The following RBPJ variants were observed in gnomAD, a reference collection of about 807,000 sequenced individuals.
The protein encoded by RBPJ is recombining binding protein suppressor of hairless.
RBPJ carries 9 observed loss-of-function variants against 67.8 expected under a neutral mutation model. The ratio of observed to expected loss-of-function variants is 0.13; its 90% CI spans 0.08 to 0.23. The LOEUF (loss-of-function observed/expected upper bound fraction) is 0.23. Among genes scored for constraint, RBPJ ranks in the 10% least tolerant of loss-of-function variants. The probability of loss-of-function intolerance (pLI) is 1.00; values close to 1 mark genes in which losing one functional copy is unlikely to be tolerated. For missense variants in RBPJ, 305 were observed against 595.6 expected, an observed-to-expected ratio of 0.51 and a Z score of 5.08; for synonymous variants, 198 against 203.3, an observed-to-expected ratio of 0.97 and a Z score of 0.22.
intron 3 of RBPJ, among the ~76,000 whole-genome samples, chr4:26,411,622 TC>T (rs1734026797): frequency 6.6e-6 from 1 of 151,974 alleles, no homozygotes; most frequent in Non-Finnish European, 1.5e-5. Flanking sequence ...TCTTCATTTT[TC>T]TTATATTTAT....
intron 1 of RBPJ, among the ~76,000 whole-genome samples, chr4:26,245,122 A>G (rs1719883056): frequency 6.7e-6 from 1 of 149,654 alleles, no homozygotes; most frequent in Non-Finnish European, 1.5e-5. Context: ...GAACTTTTTT[A>G]TTACTCCAAG....
At chr4:26,109,475 T>C in the RBPJ span, among the ~76,000 whole-genome samples, 448 of 49,826 alleles carry the variant, frequency 9.0e-3, 39 homozygotes, top group African/African-American at 0.035. Context: ...TATATATATA[T>C]ATATATATAT....
Position 26,415,551 on chromosome 4 carries a change from G to A in RBPJ, c.232G>A (p.Gly78Ser). The A allele has an allele frequency of 5.0e-6, 8 of 1,613,060 alleles. No homozygotes were observed. Among genetic ancestry groups the A allele is most frequent in the Non-Finnish European group, 6.8e-6 (8 of 1,179,408 alleles). The change falls in exon 4 of 11, where the codon GGT becomes AGT. Residue 78 changes from glycine (G) to serine (S), a missense_variant. Physicochemically the swap from Gly to Ser is moderately conservative, Grantham distance 56. Around this residue, in one of 7 missense-constraint regions of RBPJ, gnomAD observed 79 missense variants for 106.2 expected, o/e 0.74. Coordinates refer to ENST00000355476, the MANE Select transcript of RBPJ (RefSeq NM_015874.6). ...AAAAAAAGAACAAATGGAACGCGAT[G>A]GTTGTTCTGAACAAGAGTCTCAACC... ...KKKKEQMERD[G>S]CSEQESQPCA...
chr4:26,171,044 G>T (rs184019409), intron 1 of RBPJ, among the ~76,000 whole-genome samples: 17 of 152,326 alleles, frequency 1.1e-4, no homozygotes, highest in African/African-American at 4.1e-4. Flanking sequence ...TGATCTTGTG[G>T]CTTGAGCATT....
intron 1 of RBPJ, among the ~76,000 whole-genome samples, chr4:26,334,611 T>A (rs1724616383): frequency 6.6e-6 from 1 of 152,198 alleles, no homozygotes; most frequent in African/African-American, 2.4e-5. Flanking sequence ...TAACTCAAGC[T>A]ACTGCCATGC....
At chr4:26,361,464 GC>G (rs1728053163) in intron 1 of RBPJ, among the ~76,000 whole-genome samples, 1 of 151,982 alleles carries the variant, frequency 6.6e-6, no homozygotes, top group African/African-American at 2.4e-5. Flanking sequence ...TTACTTTTTA[GC>G]CCTAGCTGGG....
intron 1 of RBPJ, among the ~76,000 whole-genome samples, chr4:26,251,749 G>A (rs894335370): frequency 6.7e-6 from 1 of 150,008 alleles, no homozygotes; most frequent in Non-Finnish European, 1.5e-5. Flanking sequence ...TTGGGAGGCT[G>A]AGGCAGGAGA....
chr4:26,225,767 G>T (rs1719053845), intron 1 of RBPJ, among the ~76,000 whole-genome samples: 1 of 151,808 alleles, frequency 6.6e-6, no homozygotes, highest in African/African-American at 2.4e-5. Context: ...TAAAAAAAAA[G>T]ATCTATTAAT....
intron 1 of RBPJ, among the ~76,000 whole-genome samples, chr4:26,298,249 C>T (rs1254222781): frequency 3.3e-5 from 5 of 152,120 alleles, no homozygotes; most frequent in Non-Finnish European, 2.9e-5. Flanking sequence ...CTAAGTAGGA[C>T]CTCTTTGAAC....
rs549864175 is a variant in RBPJ, at chr4:26,287,941, G to T, written c.-166-74505G>T. Among the ~76,000 whole-genome samples, 8 of 152,228 alleles carry T rather than the reference G, an allele frequency of 5.3e-5. No homozygotes were observed. The South Asian group carries it at 1.7e-3, about 32-fold the overall frequency. On this transcript the variant is annotated intron_variant, in intron 1 of 4. Transcript: ENST00000512351. ...GAACTCTCTCTGCTTCTCTGCATTT[G>T]CATCTGCAAAATGAGGAAACTGCAC... is the stretch of plus-strand genomic sequence containing the variant.
chr4:26,158,945 T>TCTCTCTCTCTCTCTCTC (rs1716025420), upstream of RBPJ, among the ~76,000 whole-genome samples: 4 of 136,732 alleles, frequency 2.9e-5, no homozygotes, highest in African/African-American at 8.3e-5. Flanking sequence ...CTCTCTCTCT[T>TCTCTCTCTCTCTCTCTC]TCTCTCTCTC....
rs561981079 is a variant in RBPJ, at chr4:26,294,311, C to A, written c.-166-68135C>A. Among the ~76,000 whole-genome samples the A allele has an allele frequency of 5.2e-3, 790 of 151,890 alleles. 8 individuals carry two copies. Among genetic ancestry groups the A allele is most frequent in the African/African-American group, 0.018 (762 of 41,416 alleles). ...ACAGGGTTTCACCATCTTGGCCAGG[C>A]TAGTCTTGAACTCCTGACCTTGTGA... On this transcript the variant is annotated intron_variant, in intron 1 of 4. Coordinates refer to the RBPJ transcript ENST00000512351.
intron 1 of RBPJ, among the ~76,000 whole-genome samples, chr4:26,306,611 G>A (rs1314822477): frequency 1.3e-5 from 2 of 151,710 alleles, no homozygotes; most frequent in South Asian, 2.1e-4. Context: ...CACCATGCCC[G>A]GCCAATTTTT....
intron 1 of RBPJ, among the ~76,000 whole-genome samples, chr4:26,310,739 G>T (rs1164433138): frequency 2.0e-5 from 3 of 147,272 alleles, no homozygotes; most frequent in Admixed American, 6.9e-5. Flanking sequence ...GCACGATCTT[G>T]GCTCACTGCA....
intron 1 of RBPJ, among the ~76,000 whole-genome samples, chr4:26,199,040 C>T (rs951849242): frequency 5.9e-5 from 9 of 151,994 alleles, no homozygotes; most frequent in African/African-American, 2.2e-4. Flanking sequence ...ACTTTTTCTT[C>T]TTCCCCAACT....
chr4:26,373,879 A>G (rs1488965924), intron 1 of RBPJ, among the ~76,000 whole-genome samples: 3 of 135,764 alleles, frequency 2.2e-5, no homozygotes, highest in Admixed American at 7.2e-5. Context: ...ATGTCTTTAG[A>G]TTTCCTGAAT....
At chr4:26,342,043 G>A (rs1725592284) in intron 1 of RBPJ, among the ~76,000 whole-genome samples, 1 of 152,168 alleles carries the variant, frequency 6.6e-6, no homozygotes, top group South Asian at 2.1e-4. Context: ...GTCACCTGGA[G>A]GGCTTGCTGA....
intron 1 of RBPJ, among the ~76,000 whole-genome samples, chr4:26,358,223 T>C (rs1366610311): frequency 6.6e-6 from 1 of 152,106 alleles, no homozygotes; most frequent in Non-Finnish European, 1.5e-5. Context: ...TGTGCAAATA[T>C]ATCATGACCA....
At chr4:26,127,947 A>C in the RBPJ span, among the ~76,000 whole-genome samples, 17 of 152,222 alleles carry the variant, frequency 1.1e-4, no homozygotes. Context: ...CCCTGCTCCC[A>C]CCTTTCATGA....
Sources: gnomAD v4.1 joint callset for allele counts (sites outside exome capture counted in the v4.1 genomes callset) on GRCh38, gnomAD v4.1.1 for gene constraint, gnomAD v4.1.1 regional missense constraint, MANE v1.5 for transcripts, NCBI Gene and HGNC (gene_info 2026-07-23, HGNC 2026-07-21) for gene names.